Variants in ARL1 observed in about 807,000 individuals in gnomAD.
ARL1 encodes ARF like GTPase 1.
In ARL1, 17 loss-of-function variants were observed where a neutral mutation model predicts 30.1. That is an observed-to-expected ratio of 0.56 (90% CI 0.39 to 0.85). The LOEUF (loss-of-function observed/expected upper bound fraction) is 0.85, where lower values mean the gene tolerates loss of function less well. ARL1 is among the 40% of genes least tolerant of loss of function. ARL1 has a pLI of 0.00. For missense variants in ARL1, 102 were observed against 212.6 expected (o/e 0.48, Z 3.24); for synonymous variants, 58 against 71.7 (o/e 0.81, Z 0.97).
intron 4 of ARL1, among the ~76,000 whole-genome samples, chr12:101,399,576 C>CTT (rs1871249698): frequency 1.4e-5 from 2 of 146,130 alleles, no homozygotes; most frequent in South Asian, 4.5e-4. Context: ...TCTGAGGATG[C>CTT]TTTTACCTAG....
At chr12:101,407,466 G>A (rs1278185595) in intron 1 of ARL1, 176 bp downstream of exon 1, 1 of 781,594 alleles carries the variant, frequency 1.3e-6, no homozygotes, top group Non-Finnish European at 2.0e-6. Flanking sequence ...GAGAACGCGA[G>A]AGGCCGGATC....
At chr12:101,395,761 C>A in intron 5 of ARL1, 91 bp from the exon 6 acceptor site, 1 of 874,272 alleles carries the variant, frequency 1.1e-6, no homozygotes. Context: ...AGGTGGATTC[C>A]AAAGTACTTA....
intron 1 of ARL1, chr12:101,407,255 T>C (rs1044731780): frequency 7.6e-6 from 2 of 262,116 alleles, no homozygotes; most frequent in South Asian, 1.7e-4. Context: ...CAGCTCATCT[T>C]TCACCAAGAA....
intron 3 of ARL1, chr12:101,401,419 C>G: frequency 3.7e-6 from 1 of 267,316 alleles, no homozygotes; most frequent in Non-Finnish European, 7.0e-6. Context: ...GGCAGATCAA[C>G]TGAGGTCGGG....
At chr12:101,403,378 T>C (rs1164392574) in intron 2 of ARL1, 5 of 300,464 alleles carry the variant, frequency 1.7e-5, no homozygotes, top group African/African-American at 4.5e-5. Context: ...CCCCTCATAA[T>C]AGAGTAGTTA....
At chr12:101,402,804 A>T (rs1274264984) in intron 3 of ARL1, 61 bp downstream of exon 3, 12 of 1,202,448 alleles carry the variant, frequency 1.0e-5, no homozygotes, top group Non-Finnish European at 1.4e-5. Flanking sequence ...TACTGATTTT[A>T]ACCCTTAAAA....
At chr12:101,398,344 C>T (rs558815238) in intron 4 of ARL1, among the ~76,000 whole-genome samples, 2 of 150,244 alleles carry the variant, frequency 1.3e-5, no homozygotes, top group South Asian at 2.1e-4. Context: ...TGCAGTGAGC[C>T]GAGATTGCAC....
intron 2 of ARL1, among the ~76,000 whole-genome samples, chr12:101,404,252 C>A (rs1871379553): frequency 6.6e-6 from 1 of 150,810 alleles, no homozygotes; most frequent in African/African-American, 2.4e-5. Flanking sequence ...TGGCTCATGC[C>A]TGTAATCCCA....
intron 4 of ARL1, 150 bp from the exon 5 acceptor site, chr12:101,396,727 G>C (rs1339485976): frequency 1.6e-6 from 1 of 618,498 alleles, no homozygotes; most frequent in Non-Finnish European, 2.5e-6. Flanking sequence ...GAAGTATAAA[G>C]AAAAGAAGCT....
At chr12:101,398,594 C>A (rs766681976) in intron 4 of ARL1, among the ~76,000 whole-genome samples, 1 of 151,772 alleles carries the variant, frequency 6.6e-6, no homozygotes, top group African/African-American at 2.4e-5. Context: ...GGATTACAGG[C>A]GTGCGCTACT....
intron 4 of ARL1, among the ~76,000 whole-genome samples, chr12:101,397,884 G>C (rs1871194135): frequency 1.3e-5 from 2 of 152,108 alleles, no homozygotes; most frequent in South Asian, 4.1e-4. Flanking sequence ...TTTTGCAAAA[G>C]ATCTTGCTAT....
intron 5 of ARL1, chr12:101,396,037 G>A (rs1404265395): frequency 5.4e-6 from 3 of 551,282 alleles, no homozygotes; most frequent in Non-Finnish European, 9.6e-6. Flanking sequence ...TCTGTGACAA[G>A]GGCATCTAAC....
chr12:101,403,235 A>G (rs569121070), intron 2 of ARL1: 186 of 465,224 alleles, frequency 4.0e-4, no homozygotes, highest in Non-Finnish European at 6.1e-4. Context: ...TCTTCAGGAT[A>G]TTTTTTAAAA....
At position 101,395,539 on chromosome 12, in the gene ARL1, A is replaced by G; in HGVS notation, c.*101T>C. The stretch of plus-strand genomic sequence containing the variant: ...TGCAGTCAGTCAGTATATGCCAATA[A>G]TCATATAGTTTTAACATCTAGTAGT... On this transcript the variant is annotated 3_prime_UTR_variant, in exon 6 of 6. Coordinates refer to ENST00000261636, the MANE Select transcript of ARL1 (RefSeq NM_001177.6). 2.1e-6 allele frequency: 2 copies of G among 944,350 alleles called. No homozygotes were observed. The highest frequency in any genetic ancestry group is 3.1e-5 in the South Asian group (2 of 63,874). 58.5% of individuals were successfully genotyped at this position (944,350 alleles called of 1,614,324 possible).
intron 5 of ARL1, among the ~76,000 whole-genome samples, chr12:101,395,977 G>A (rs996194731): frequency 6.6e-6 from 1 of 152,198 alleles, no homozygotes. Context: ...CTAATGAGTA[G>A]ATGAACAAAT....
At chr12:101,402,230 T>A (rs190051701) in intron 3 of ARL1, among the ~76,000 whole-genome samples, 2 of 152,352 alleles carry the variant, frequency 1.3e-5, no homozygotes, top group Admixed American at 1.3e-4. Context: ...TAGCCCAGGC[T>A]GGAGTGCAGT....
At chr12:101,397,213 A>C (rs908589187) in intron 4 of ARL1, among the ~76,000 whole-genome samples, 5 of 152,226 alleles carry the variant, frequency 3.3e-5, no homozygotes, top group African/African-American at 1.2e-4. Flanking sequence ...AGTGTATAAA[A>C]GTCTCCATCT....
chr12:101,403,119 C>T (rs78515345), intron 2 of ARL1, 173 bp from the exon 3 acceptor site: 16,490 of 476,150 alleles, frequency 0.035, 433 homozygotes, highest in South Asian at 0.049. Flanking sequence ...TGTTGAATCA[C>T]ATTATTGGTT....
At chr12:101,396,157 C>G (rs1871145221) in intron 5 of ARL1, 1 of 608,362 alleles carries the variant, frequency 1.6e-6, no homozygotes, top group South Asian at 2.0e-5. Context: ...TGAGGTGAGG[C>G]AGGGAAAAGG....
Sources: gnomAD v4.1 joint callset for allele counts (sites outside exome capture counted in the v4.1 genomes callset) on GRCh38, gnomAD v4.1.1 for gene constraint, MANE v1.5 for transcripts, NCBI Gene and HGNC (gene_info 2026-07-23, HGNC 2026-07-21) for gene names.